The following COL18A1 variants were observed in gnomAD, a reference collection of about 807,000 sequenced individuals.
The protein encoded by COL18A1 is collagen alpha-1(XVIII) chain.
A neutral mutation model predicts 168.0 loss-of-function variants in COL18A1; 133 were observed. That is an observed-to-expected ratio of 0.79 (90% confidence interval 0.69 to 0.91). The LOEUF is 0.91. Ranked by LOEUF, COL18A1 falls within the 40% of genes least tolerant of loss-of-function variation. COL18A1 has a pLI of 0.00. For missense variants in COL18A1, 2,126 were observed against 1,925.4 expected, an observed-to-expected ratio of 1.10 and a Z score of -1.95; for synonymous variants, 949 against 809.0, an observed-to-expected ratio of 1.17 and a Z score of -2.94.
intron 2 of COL18A1, among the ~76,000 whole-genome samples, chr21:45,418,044 G>C (rs145187021): frequency 5.3e-5 from 8 of 152,240 alleles, no homozygotes; most frequent in Non-Finnish European, 1.0e-4. Flanking sequence ...GTTCGTTAAC[G>C]TGTGCCGCCC....
rs373021143 is a variant in COL18A1, at chr21:45,457,336, C to T, written c.107-10906C>T. Among the ~76,000 whole-genome samples the T allele has an allele frequency of 2.9e-4, 44 of 152,282 alleles. No individual in the cohort carries two copies. Among genetic ancestry groups the T allele is most frequent in the African/African-American group, 9.6e-4 (40 of 41,570 alleles). ...CGCTTCCTGGGAGCCCCAGCGTGCTCGGGCCAAGGGTGCTGCCGCGTGGGC... is the reference window on the plus strand; with the variant it reads ...CGCTTCCTGGGAGCCCCAGCGTGCTTGGGCCAAGGGTGCTGCCGCGTGGGC... On this transcript the variant is annotated intron_variant, in intron 2 of 41. Transcript: ENST00000651438. The surrounding 1 kb of genome is among the most constrained non-coding windows in gnomAD (Gnocchi z 4.6).
rs773417414 is a variant in COL18A1, at chr21:45,497,091, A to G, written c.2619A>G (p.Pro873=). The G allele has an allele frequency of 6.3e-7, 1 of 1,582,638 alleles. No homozygotes were observed. Among genetic ancestry groups the G allele is most frequent in the Non-Finnish European group, 8.6e-7 (1 of 1,159,920 alleles). ...ESSRPGPPGL[P]GNQGPPGPKG... ...GCCGCCCCGGGCCTCCAGGATTGCC[A>G]GGTGAGGGTCCTGGGCTCACAGCTG... Residue 873 remains proline (P), a splice_region_variant and synonymous_variant, in exon 31 of 42, where the codon CCA becomes CCG. Coordinates refer to ENST00000651438, the MANE Select transcript of COL18A1 (RefSeq NM_001379500.1).
In COL18A1 at chr21:45,512,608, T is replaced by TCACCTGCCCCAACTCTCC. The variant is rs771009945; in HGVS notation, c.*212_*229dup. 1 of 611,514 alleles carries TCACCTGCCCCAACTCTCC rather than the reference T, an allele frequency of 1.6e-6. No homozygotes were observed. Among genetic ancestry groups the TCACCTGCCCCAACTCTCC allele is most frequent in the Non-Finnish European group, 2.9e-6 (1 of 347,980 alleles). The allele number at this position is 611,514 out of a possible 1,614,324, so 37.9% of individuals were successfully genotyped here. A position where few individuals can be genotyped will look rare whatever the true frequency, so the allele number is the denominator to read the frequency against. On this transcript the variant is annotated 3_prime_UTR_variant, in exon 42 of 42. Coordinates refer to ENST00000651438, the MANE Select transcript of COL18A1 (RefSeq NM_001379500.1). ...TAAAACAGAAGCCTGATGCTGACAT[T>TCACCTGCCCCAACTCTCC]CACCTGCCCCAACTCTCCCCTGACC...
rs1417002976 is a variant in COL18A1 at position 45,512,443 on chromosome 21, G to A, written c.*45G>A. On this transcript the variant is annotated 3_prime_UTR_variant, in exon 42 of 42. Coordinates refer to ENST00000651438, the MANE Select transcript of COL18A1 (RefSeq NM_001379500.1). ...GGCCGGAGAGGACCGGCGGCTCGGA[G>A]GAAGCCCCCACCGTGGGCAGGGAGC... is the stretch of plus-strand genomic sequence containing the variant. The A allele has an allele frequency of 1.3e-6, 2 of 1,581,324 alleles. No homozygotes were observed. Among genetic ancestry groups the A allele is most frequent in the African/African-American group, 1.3e-5 (1 of 74,454 alleles).
At chr21:45,481,034 G>C (rs1349994311) in intron 13 of COL18A1, among the ~76,000 whole-genome samples, 176 bp downstream of exon 13, 4 of 152,210 alleles carry the variant, frequency 2.6e-5, no homozygotes, top group South Asian at 2.1e-4. Context: ...GGGGTGTGCG[G>C]AAGCACCTGA....
intron 15 of COL18A1, 79 bp downstream of exon 15, chr21:45,482,900 G>A: frequency 6.2e-7 from 1 of 1,607,110 alleles, no homozygotes; most frequent in Non-Finnish European, 8.5e-7. Context: ...GAGGGTGGCA[G>A]CCCCACGGTC....
chr21:45,510,277 C>A lies in COL18A1; in HGVS notation c.3693+16C>A. On this transcript the variant is annotated intron_variant, in intron 40 of 41. Coordinates refer to ENST00000651438, the MANE Select transcript of COL18A1 (RefSeq NM_001379500.1). The stretch of plus-strand genomic sequence containing the variant: ...CAACCTCAAGGTGGGTCAGTCCAGT[C>A]CTGAGGGCGCGGGCTCCTCGGCCCC... 1.9e-6 allele frequency: 3 copies of A among 1,588,224 alleles called. No individual in the cohort carries two copies. The highest frequency in any genetic ancestry group is 2.6e-6 in the Non-Finnish European group (3 of 1,168,264).
chr21:45,475,656 A>G, intron 5 of COL18A1, 121 bp downstream of exon 5: 1 of 878,320 alleles, frequency 1.1e-6, no homozygotes, highest in Non-Finnish European at 1.8e-6. Flanking sequence ...TGCCACGAAG[A>G]CATATTCCTG....
intron 2 of COL18A1, among the ~76,000 whole-genome samples, chr21:45,459,248 C>G (rs1185309702): frequency 6.6e-6 from 1 of 152,194 alleles, no homozygotes; most frequent in Non-Finnish European, 1.5e-5. Context: ...CCTGCCGGAC[C>G]CCTATGTTGG....
intron 24 of COL18A1, 82 bp from the exon 25 acceptor site, chr21:45,493,081 A>G: frequency 7.3e-7 from 1 of 1,365,052 alleles, no homozygotes; most frequent in South Asian, 1.2e-5. Context: ...TGCGGGGGGC[A>G]GCTGTCGGGG....
intron 2 of COL18A1, among the ~76,000 whole-genome samples, chr21:45,464,024 T>C (rs79377477): frequency 0.029 from 4,449 of 152,352 alleles, 232 homozygotes; most frequent in African/African-American, 0.1. Context: ...ATGGGCACTG[T>C]GGCTGGGTCC....
At chr21:45,511,057 C>T (rs879003828) in intron 40 of COL18A1, 54 bp from the exon 41 acceptor site, 4 of 675,506 alleles carry the variant, frequency 5.9e-6, no homozygotes, top group Admixed American at 2.4e-5. Flanking sequence ...CAAACACCCA[C>T]ACCCATCCAC....
At chr21:45,486,713 C>A in intron 15 of COL18A1, 148 bp from the exon 16 acceptor site, 1 of 800,712 alleles carries the variant, frequency 1.2e-6, no homozygotes, top group Non-Finnish European at 1.9e-6. Context: ...AGAAAGGCTG[C>A]TGTGGGGCCT....
intron 16 of COL18A1, 150 bp downstream of exon 16, chr21:45,487,142 G>A: frequency 1.1e-6 from 1 of 876,702 alleles, no homozygotes; most frequent in South Asian, 1.8e-5. Context: ...ATTCCGCATG[G>A]TGGGGCTCGA....
chr21:45,417,640 T>TC (rs34085719), intron 2 of COL18A1, among the ~76,000 whole-genome samples: 78,322 of 151,986 alleles, frequency 0.52, 22,093 homozygotes, highest in Middle Eastern at 0.65. Context: ...TTTCAGCACA[T>TC]CCAGGACCTG....
intron 5 of COL18A1, 99 bp downstream of exon 5, chr21:45,475,634 G>A: frequency 9.6e-7 from 1 of 1,039,952 alleles, no homozygotes; most frequent in Non-Finnish European, 1.5e-6. Context: ...GTGGCTCCAA[G>A]AGCTCCCTCT....
Position 45,510,268 on chromosome 21 carries a change from C to A in COL18A1, c.3693+7C>A. The A allele has an allele frequency of 1.9e-6, 3 of 1,599,426 alleles. No individual in the cohort carries two copies. The highest frequency in any genetic ancestry group is 2.3e-5 in the South Asian group (2 of 88,854). Reference sequence around the variant, plus strand: ...GCCCATCGTCAACCTCAAGGTGGGTCAGTCCAGTCCTGAGGGCGCGGGCTC... The same window carrying A: ...GCCCATCGTCAACCTCAAGGTGGGTAAGTCCAGTCCTGAGGGCGCGGGCTC... On this transcript the variant is annotated splice_region_variant and intron_variant, in intron 40 of 41. Coordinates refer to ENST00000651438, the MANE Select transcript of COL18A1 (RefSeq NM_001379500.1).
chr21:45,414,681 G>A (rs904325569), intron 2 of COL18A1, among the ~76,000 whole-genome samples: 6 of 152,310 alleles, frequency 3.9e-5, no homozygotes, highest in Admixed American at 6.5e-5. Context: ...AGCCCTGCCC[G>A]CCAGTGAGAG....
At position 45,445,944 on chromosome 21, in the gene COL18A1, G is replaced by C. The variant is rs1427352389; in HGVS notation, c.107-22298G>C. Among the ~76,000 whole-genome samples, 5 of 152,242 alleles carry C rather than the reference G, an allele frequency of 3.3e-5. No homozygotes were observed. In the East Asian group the frequency reaches 9.6e-4, roughly 29 times the overall value. Reference sequence around the variant, plus strand: ...GTCCTTTGAGGCACAAAACTTTTAAGTTTTTACGAAGTCCAATTTATTTTT... The same window carrying C: ...GTCCTTTGAGGCACAAAACTTTTAACTTTTTACGAAGTCCAATTTATTTTT... On this transcript the variant is annotated intron_variant, in intron 2 of 41. Coordinates refer to ENST00000651438, the MANE Select transcript of COL18A1 (RefSeq NM_001379500.1).
Sources: allele counts gnomAD v4.1 joint callset (sites outside exome capture counted in the v4.1 genomes callset), GRCh38; gene constraint gnomAD v4.1.1; non-coding constraint Gnocchi (gnomAD v3.1); transcripts MANE v1.5; gene names NCBI Gene and HGNC (gene_info 2026-07-23, HGNC 2026-07-21).